Variants in ACTR3C observed in about 807,000 individuals in gnomAD.
The protein encoded by ACTR3C is actin-related protein 3C.
A neutral mutation model predicts 26.3 loss-of-function variants in ACTR3C; 18 were observed. The observed-to-expected ratio is 0.68, with a 90% CI of 0.47 to 1.01. ACTR3C has a LOEUF of 1.01. ACTR3C is among the 50% of genes least tolerant of loss of function. The pLI, the probability that ACTR3C is intolerant of heterozygous loss-of-function variation, is 0.00. For missense variants in ACTR3C, 184 were observed against 250.7 expected, an observed-to-expected ratio of 0.73 and a Z score of 1.80; for synonymous variants, 55 against 94.5, an observed-to-expected ratio of 0.58 and a Z score of 2.42.
At chr7:150,039,085 T>G in the ACTR3C span, among the ~76,000 whole-genome samples, 1 of 148,094 alleles carries the variant, frequency 6.8e-6, no homozygotes, top group African/African-American at 2.5e-5. Flanking sequence ...CTTGGACTAC[T>G]AACACCCACA....
chr7:150,157,004 CA>C, the ACTR3C span, among the ~76,000 whole-genome samples: 1 of 150,762 alleles, frequency 6.6e-6, no homozygotes, highest in African/African-American at 2.5e-5. Context: ...GTGTCAACAC[CA>C]GAAATGAGCT....
the ACTR3C span, among the ~76,000 whole-genome samples, chr7:150,233,548 G>A: frequency 1.3e-4 from 20 of 151,228 alleles, no homozygotes; most frequent in African/African-American, 3.7e-4. Flanking sequence ...TTATACTTTC[G>A]AAATTATTTC....
In ACTR3C at chr7:150,293,325, T is replaced by C; in HGVS notation, c.140A>G (p.His47Arg). 4.4e-6 allele frequency: 7 copies of C among 1,589,582 alleles called. No individual in the cohort carries two copies. The highest frequency in any genetic ancestry group is 6.0e-6 in the Non-Finnish European group (7 of 1,165,688). ...TATTCTGCTTACCACTGGGATAACATGGGTGACTCCATCTCCGCTGTCAAT... is the reference window on the plus strand; with the variant it reads ...TATTCTGCTTACCACTGGGATAACACGGGTGACTCCATCTCCGCTGTCAAT... ...IVIDSGDGVT[H>R]VIPVAEGYVI... Residue 47 changes from histidine to arginine, a missense_variant, in exon 3 of 8, where the codon CAT becomes CGT. Coordinates refer to ENST00000683684, the MANE Select transcript of ACTR3C (RefSeq NM_001164458.2).
At chr7:149,910,477 A>G in the ACTR3C span, among the ~76,000 whole-genome samples, 7 of 152,092 alleles carry the variant, frequency 4.6e-5, no homozygotes, top group Non-Finnish European at 1.0e-4. Context: ...GGGTGGTGGG[A>G]AAAAAACCAC....
chr7:150,275,648 T>C (rs1584898632), intron 6 of ACTR3C, among the ~76,000 whole-genome samples: 1 of 151,924 alleles, frequency 6.6e-6, no homozygotes, highest in African/African-American at 2.4e-5. Context: ...GAGGCAGAGG[T>C]TGCAGTCACT....
chr7:149,946,068 C>T, the ACTR3C span, among the ~76,000 whole-genome samples: 16 of 152,138 alleles, frequency 1.1e-4, no homozygotes, highest in African/African-American at 3.6e-4. Flanking sequence ...GTGGATTCTC[C>T]CAACTTGAAT....
intron 1 of ACTR3C, among the ~76,000 whole-genome samples, chr7:150,299,300 A>G (rs1222145626): frequency 2.0e-5 from 3 of 150,988 alleles, no homozygotes; most frequent in Non-Finnish European, 4.4e-5. Context: ...TTTTTAAAAA[A>G]CAAGGTGTGG....
At chr7:150,159,906 G>A in the ACTR3C span, among the ~76,000 whole-genome samples, 1 of 152,058 alleles carries the variant, frequency 6.6e-6, no homozygotes, top group Admixed American at 6.6e-5. Flanking sequence ...CCTGGTTCAA[G>A]CGATTCTCCT....
At chr7:150,096,506 G>A in the ACTR3C span, among the ~76,000 whole-genome samples, 1 of 151,542 alleles carries the variant, frequency 6.6e-6, no homozygotes, top group Admixed American at 6.6e-5. Flanking sequence ...CCTCAACAAT[G>A]TATGGAAAGA....
At chr7:149,920,368 G>A in the ACTR3C span, among the ~76,000 whole-genome samples, 86 of 151,146 alleles carry the variant, frequency 5.7e-4, no homozygotes, top group Middle Eastern at 0.01. Context: ...GTGCAGTGGC[G>A]CAGTCACAAC....
chr7:150,023,340 T>TACATACATAG, the ACTR3C span, among the ~76,000 whole-genome samples: 1 of 93,484 alleles, frequency 1.1e-5, no homozygotes, highest in Non-Finnish European at 2.2e-5. Context: ...CATACATACA[T>TACATACATAG]ATATATTTTA....
chr7:150,144,199 C>A, the ACTR3C span, among the ~76,000 whole-genome samples: 5 of 151,922 alleles, frequency 3.3e-5, no homozygotes, highest in Non-Finnish European at 7.4e-5. The surrounding 1 kb of genome is among the most constrained non-coding windows in gnomAD (Gnocchi z 4.6). Context: ...TGCACGAGGC[C>A]CTCAGAATAT....
the ACTR3C span, among the ~76,000 whole-genome samples, chr7:149,904,458 G>A: frequency 6.6e-6 from 1 of 150,886 alleles, no homozygotes; most frequent in African/African-American, 2.4e-5. Context: ...TTGAACCCGG[G>A]AGGCAGAGGT....
chr7:149,919,589 G>A, the ACTR3C span, among the ~76,000 whole-genome samples: 50 of 151,914 alleles, frequency 3.3e-4, 2 homozygotes, highest in South Asian at 0.01. Flanking sequence ...CTTTCTGAAT[G>A]AATGACTTAT....
At chr7:150,285,789 TA>T (rs1835729953) in intron 5 of ACTR3C, among the ~76,000 whole-genome samples, 1 of 152,202 alleles carries the variant, frequency 6.6e-6, no homozygotes, top group African/African-American at 2.4e-5. Context: ...ATGTGCCTCC[TA>T]ATTACTGCTT....
chr7:149,941,557 A>C, the ACTR3C span, among the ~76,000 whole-genome samples: 1 of 152,166 alleles, frequency 6.6e-6, no homozygotes, highest in Non-Finnish European at 1.5e-5. Context: ...ATTTCTCTGA[A>C]GAACTCAGCC....
the ACTR3C span, among the ~76,000 whole-genome samples, chr7:150,160,289 C>A: frequency 1.3e-5 from 2 of 152,070 alleles, no homozygotes; most frequent in Non-Finnish European, 2.9e-5. Flanking sequence ...TTAATAGTTG[C>A]AAATCTAATC....
At chr7:150,173,148 G>A in the ACTR3C span, among the ~76,000 whole-genome samples, 1 of 150,458 alleles carries the variant, frequency 6.6e-6, no homozygotes, top group South Asian at 2.1e-4. Context: ...TCTGTGTGGG[G>A]GCTCCGATCC....
the ACTR3C span, chr7:149,891,315 C>A: frequency 3.2e-3 from 2,749 of 866,972 alleles, 45 homozygotes; most frequent in African/African-American, 0.041. Context: ...GAGGAAGAGA[C>A]ACCAGAGTTG....
Sources: allele counts gnomAD v4.1 joint callset (sites outside exome capture counted in the v4.1 genomes callset), GRCh38; gene constraint gnomAD v4.1.1; non-coding constraint Gnocchi (gnomAD v3.1); transcripts MANE v1.5; gene names NCBI Gene and HGNC (gene_info 2026-07-23, HGNC 2026-07-21).